The following MPDZ variants were observed in gnomAD, a reference collection of about 807,000 sequenced individuals.
The protein encoded by MPDZ is multiple PDZ domain protein.
MPDZ carries 234 observed loss-of-function variants against 239.1 expected under a neutral mutation model. The ratio of observed to expected loss-of-function variants is 0.98; its 90% CI spans 0.88 to 1.09. MPDZ has a LOEUF of 1.09. Ranked by LOEUF, MPDZ falls within the 50% of genes least tolerant of loss-of-function variation. MPDZ has a pLI of 0.00. For missense variants in MPDZ, 3,175 were observed against 2,510.0 expected, an observed-to-expected ratio of 1.26 and a Z score of -5.66; for synonymous variants, 1,048 against 881.3, an observed-to-expected ratio of 1.19 and a Z score of -3.35.
chr9:13,127,535 G>C (rs546435069), intron 32 of MPDZ, among the ~76,000 whole-genome samples: 2 of 152,090 alleles, frequency 1.3e-5, no homozygotes, highest in Non-Finnish European at 2.9e-5. Context: ...TTTTTCTCCA[G>C]AGAAAAGTTA....
At chr9:13,243,159 TTTCTG>T (rs551365309) in intron 3 of MPDZ, among the ~76,000 whole-genome samples, 13 of 152,208 alleles carry the variant, frequency 8.5e-5, no homozygotes, top group Non-Finnish European at 1.9e-4. Flanking sequence ...CTTTGTTTTC[TTTCTG>T]TTCTATTTTC....
chr9:13,168,105 T>C (rs1414185958), intron 22 of MPDZ, among the ~76,000 whole-genome samples: 1 of 152,138 alleles, frequency 6.6e-6, no homozygotes, highest in Non-Finnish European at 1.5e-5. Flanking sequence ...CCCTCACTTC[T>C]ATGGTTGTTG....
At chr9:13,107,295 A>C (rs1941622893) in intron 46 of MPDZ, among the ~76,000 whole-genome samples, 184 bp from the exon 47 acceptor site, 1 of 152,160 alleles carries the variant, frequency 6.6e-6, no homozygotes, top group East Asian at 1.9e-4. Flanking sequence ...CTTTCTCCTA[A>C]ATGGTTTTAG....
At chr9:13,110,505 C>T (rs922812239) in intron 44 of MPDZ, 131 bp downstream of exon 44, 1 of 697,586 alleles carries the variant, frequency 1.4e-6, no homozygotes, top group Non-Finnish European at 2.4e-6. Context: ...TTAATTTAAT[C>T]ATTTATGTTC....
intron 12 of MPDZ, among the ~76,000 whole-genome samples, chr9:13,204,135 G>A (rs1205102916): frequency 6.6e-6 from 1 of 151,952 alleles, no homozygotes; most frequent in African/African-American, 2.4e-5. Context: ...ACAAAGCTTC[G>A]GTATAAGTAT....
At chr9:13,166,465 A>G (rs1951085901) in intron 22 of MPDZ, among the ~76,000 whole-genome samples, 1 of 152,120 alleles carries the variant, frequency 6.6e-6, no homozygotes. Flanking sequence ...CAATGAGTTA[A>G]GCTATAAGCA....
At chr9:13,121,115 C>T (rs973953176) in intron 38 of MPDZ, among the ~76,000 whole-genome samples, 1 of 152,168 alleles carries the variant, frequency 6.6e-6, no homozygotes, top group Non-Finnish European at 1.5e-5. Flanking sequence ...TGAATTTTTG[C>T]GCATTCACTA....
chr9:13,216,267 T>C (rs1266493809), intron 10 of MPDZ, among the ~76,000 whole-genome samples: 1 of 151,364 alleles, frequency 6.6e-6, no homozygotes, highest in African/African-American at 2.4e-5. Context: ...ACGATAACAA[T>C]GATAGCTTGA....
intron 21 of MPDZ, 34 bp from the exon 22 acceptor site, chr9:13,168,598 T>C (rs1389921676): frequency 2.2e-6 from 3 of 1,368,616 alleles, no homozygotes; most frequent in African/African-American, 3.0e-5. Flanking sequence ...TATAATTAAA[T>C]ACATGATTTT....
At chr9:13,160,626 C>G (rs1433261744) in intron 23 of MPDZ, among the ~76,000 whole-genome samples, 2 of 151,412 alleles carry the variant, frequency 1.3e-5, no homozygotes, top group African/African-American at 4.9e-5. Context: ...CCAACTCATG[C>G]CATTAACCCT....
intron 44 of MPDZ, 81 bp from the exon 45 acceptor site, chr9:13,110,145 T>C (rs1277251587): frequency 5.9e-6 from 5 of 845,416 alleles, no homozygotes; most frequent in Non-Finnish European, 9.4e-6. Context: ...AAAGAGCACT[T>C]GGATTAAAAT....
chr9:13,208,168 C>T (rs1050173609), intron 10 of MPDZ, among the ~76,000 whole-genome samples: 2 of 152,094 alleles, frequency 1.3e-5, no homozygotes, highest in Non-Finnish European at 2.9e-5. Flanking sequence ...CAAGGCTGGG[C>T]GCAGTGGCTA....
chr9:13,187,239 A>C (rs1954235572), intron 17 of MPDZ, among the ~76,000 whole-genome samples: 1 of 152,158 alleles, frequency 6.6e-6, no homozygotes, highest in Non-Finnish European at 1.5e-5. Context: ...GCTGCAAGGC[A>C]TACTGAATTT....
intron 16 of MPDZ, among the ~76,000 whole-genome samples, chr9:13,189,295 T>C (rs1349456398): frequency 6.6e-6 from 1 of 152,142 alleles, no homozygotes; most frequent in Non-Finnish European, 1.5e-5. Flanking sequence ...TATCAAATTT[T>C]ATAACTATTA....
Position 13,130,598 on chromosome 9 carries a change from G to C in MPDZ, c.4464+3226C>G, listed in dbSNP as rs183820533. Among the ~76,000 whole-genome samples, 33 of 152,234 alleles carry C rather than the reference G, an allele frequency of 2.2e-4. No individual in the cohort carries two copies. In the East Asian group the frequency reaches 6.2e-3, roughly 28 times the overall value. ...GGAGACAAGCTCTAGGGTCAAACAT[G>C]GTTAAGTGACAAATAAAATGAAGAC... On this transcript the variant is annotated intron_variant, in intron 32 of 46. Transcript: ENST00000319217.
intron 23 of MPDZ, among the ~76,000 whole-genome samples, chr9:13,161,236 A>G (rs776885091): frequency 2.0e-5 from 3 of 151,982 alleles, no homozygotes; most frequent in Non-Finnish European, 2.9e-5. Flanking sequence ...AGGTCACTGG[A>G]GACCGTGGTG....
chr9:13,238,254 C>G (rs552672809), intron 3 of MPDZ, among the ~76,000 whole-genome samples: 14 of 152,288 alleles, frequency 9.2e-5, no homozygotes, highest in African/African-American at 3.1e-4. Flanking sequence ...TACATCTTCT[C>G]TTTTTGCCAG....
chr9:13,109,323 C>T (rs892482135), intron 45 of MPDZ, among the ~76,000 whole-genome samples: 1 of 152,090 alleles, frequency 6.6e-6, no homozygotes, highest in Non-Finnish European at 1.5e-5. Context: ...ATATTCATGG[C>T]ATGTTCTCAT....
chr9:13,126,393 T>C (rs115308539), intron 34 of MPDZ, 123 bp downstream of exon 34: 4 of 553,376 alleles, frequency 7.2e-6, no homozygotes, highest in African/African-American at 1.9e-5. Context: ...AATCTCTTCT[T>C]TTCCTTAAGA....
Sources: gnomAD v4.1 joint callset for allele counts (sites outside exome capture counted in the v4.1 genomes callset) on GRCh38, gnomAD v4.1.1 for gene constraint, MANE v1.5 for transcripts, NCBI Gene and HGNC (gene_info 2026-07-23, HGNC 2026-07-21) for gene names.